Variants in EFHC2 observed in about 807,000 individuals in gnomAD.
The protein encoded by EFHC2 is EF-hand domain-containing family member C2.
Under a neutral mutation model 52.7 loss-of-function variants are expected in EFHC2, and 18 were observed. That is an observed-to-expected ratio of 0.34 (90% CI 0.24 to 0.51). The LOEUF (loss-of-function observed/expected upper bound fraction) is 0.51, where lower values mean the gene tolerates loss of function less well. Ranked by LOEUF, EFHC2 falls within the 20% of genes least tolerant of loss-of-function variation. The pLI is 0.97. For missense variants in EFHC2, 513 were observed against 562.5 expected (o/e 0.91, Z 0.89); for synonymous variants, 203 against 204.1 (o/e 0.99, Z 0.04).
intron 11 of EFHC2, among the ~76,000 whole-genome samples, chrX:44,192,061 AGTGTGTGTGTGTGT>A (rs3037410): frequency 3.1e-5 from 3 of 95,341 alleles, no homozygotes; most frequent in Admixed American, 1.2e-4. Context: ...CACATATGTA[AGTGTGTGTGTGTGT>A]GTGTGTGTGT....
intron 13 of EFHC2, among the ~76,000 whole-genome samples, chrX:44,174,146 A>T (rs1197813627): frequency 8.9e-6 from 1 of 112,015 alleles, no homozygotes; most frequent in Non-Finnish European, 1.9e-5. Flanking sequence ...TGCACCAGGT[A>T]CTGTGCTGGG....
rs192904826 is a variant in EFHC2 at position 44,164,163 on chromosome X, T to G, written c.2043-136A>C. 1,385 of 368,611 alleles carry G rather than the reference T, an allele frequency of 3.8e-3. 14 individuals are homozygous for G. The highest frequency in any genetic ancestry group is 0.033 in the African/African-American group (1,241 of 37,487). The allele number at this position is 368,611 out of a possible 1,213,427, so 30.4% of individuals were successfully genotyped here. On this transcript the variant is annotated intron_variant, in intron 13 of 14. Transcript: ENST00000420999. ...GATAGTTTTCTTATTTCTTACAATT[T>G]CTTATTGCTTCTGACCCTCCAGAAT...
intron 1 of EFHC2, among the ~76,000 whole-genome samples, chrX:44,329,843 C>A (rs1381546883): frequency 9.1e-6 from 1 of 109,478 alleles, no homozygotes; most frequent in African/African-American, 3.3e-5. Context: ...TGGCCTCAAG[C>A]AATCCTCCCA....
Position 44,343,589 on chromosome X carries a change from G to A in EFHC2, c.-1C>T, listed in dbSNP as rs1366425207. 8.4e-7 allele frequency: 1 copy of A among 1,193,754 alleles called. No individual in the cohort carries two copies. Among genetic ancestry groups the A allele is most frequent in the East Asian group, 3.0e-5 (1 of 32,860 alleles). The stretch of plus-strand genomic sequence containing the variant: ...TGCCCGGCAGCAGAGGCAGGGCCAT[G>A]GCGCTCAGTGTCCGAAAATCCAGGG... On this transcript the variant is annotated 5_prime_UTR_variant, in exon 1 of 15. Coordinates refer to ENST00000420999, the MANE Select transcript of EFHC2 (RefSeq NM_025184.4).
chrX:44,340,554 G>T (rs1309905519), intron 1 of EFHC2, among the ~76,000 whole-genome samples: 3 of 111,297 alleles, frequency 2.7e-5, no homozygotes, highest in Non-Finnish European at 5.7e-5. Flanking sequence ...AGCTACTCGG[G>T]AGGCTGAGGC....
chrX:44,258,873 G>A lies in EFHC2; in HGVS notation c.606+2202C>T, dbSNP rs1464681544. Among the ~76,000 whole-genome samples, 6 of 109,721 alleles carry A rather than the reference G, an allele frequency of 5.5e-5. No homozygotes were observed. In the Admixed American group the frequency reaches 5.8e-4, roughly 11 times the overall value. ...TCCATTTAAAAAAAAAAAAAAGAAT[G>A]GCAATCATTAAAAAGTCAGGAAACA... On this transcript the variant is annotated intron_variant, in intron 4 of 14. Coordinates refer to ENST00000420999, the MANE Select transcript of EFHC2 (RefSeq NM_025184.4).
intron 11 of EFHC2, among the ~76,000 whole-genome samples, chrX:44,196,814 G>A (rs949217974): frequency 1.8e-5 from 2 of 112,149 alleles, no homozygotes; most frequent in African/African-American, 6.5e-5. Flanking sequence ...TTCATCTAAC[G>A]CCCCCAGTAA....
chrX:44,276,263 A>G (rs1004493683), intron 2 of EFHC2, among the ~76,000 whole-genome samples: 2 of 110,531 alleles, frequency 1.8e-5, no homozygotes, highest in African/African-American at 6.6e-5. Flanking sequence ...CTCTCCAACA[A>G]TTTTTCTTTA....
At position 44,178,452 on chromosome X, in the gene EFHC2, C is replaced by T. The variant is rs766401298; in HGVS notation, c.1864G>A (p.Ala622Thr). Residue 622 changes from alanine (A) to threonine (T), a missense_variant, in exon 12 of 15, where the codon GCA becomes ACA. Transcript: ENST00000420999. The part of the protein sequence containing the change: ...GTCSDMDFLI[A>T]LAHEKFKKNM... ...TTCTTGAACTTTTCGTGGGCCAGTG[C>T]GATTAAGAAATCCATATCTGAACAT... is the stretch of plus-strand genomic sequence containing the variant. 4.1e-6 allele frequency: 5 copies of T among 1,206,024 alleles called. No homozygotes were observed. The highest frequency in any genetic ancestry group is 2.3e-4 in the Middle Eastern group (1 of 4,345).
At chrX:44,165,306 G>T (rs1451943195) in intron 13 of EFHC2, among the ~76,000 whole-genome samples, 1 of 111,880 alleles carries the variant, frequency 8.9e-6, no homozygotes, top group African/African-American at 3.2e-5. Flanking sequence ...AATAAACAAA[G>T]TGACCAGAAG....
At chrX:44,242,342 T>C (rs986087418) in intron 7 of EFHC2, 53 bp from the exon 8 acceptor site, 2 of 1,121,913 alleles carry the variant, frequency 1.8e-6, no homozygotes, top group Non-Finnish European at 2.4e-6. Flanking sequence ...GCCCTGATTA[T>C]GGCTGTTTTG....
chrX:44,327,081 C>G (rs1402902958), intron 1 of EFHC2, among the ~76,000 whole-genome samples: 1 of 111,169 alleles, frequency 9.0e-6, no homozygotes, highest in Admixed American at 9.7e-5. Context: ...GGTCACTCAA[C>G]TAGTATAAGT....
At chrX:44,318,404 C>T (rs914109574) in intron 1 of EFHC2, among the ~76,000 whole-genome samples, 3 of 112,061 alleles carry the variant, frequency 2.7e-5, no homozygotes, top group East Asian at 2.8e-4. Flanking sequence ...GACTGCTTAC[C>T]GGGTACAGGT....
intron 2 of EFHC2, among the ~76,000 whole-genome samples, chrX:44,311,833 G>C (rs2037949959): frequency 9.2e-6 from 1 of 108,223 alleles, no homozygotes; most frequent in African/African-American, 3.4e-5. Context: ...AGAAGAGAAG[G>C]CATTTTTCTA....
rs1372362056 is a variant in EFHC2, at chrX:44,282,565, G to A, written c.232-9729C>T. Among the ~76,000 whole-genome samples, 9 of 78,805 alleles carry A rather than the reference G, an allele frequency of 1.1e-4. No homozygotes were observed. In the South Asian group the frequency reaches 6.4e-3, roughly 56 times the overall value. 68.4% of individuals were successfully genotyped at this position (78,805 alleles called of 115,157 possible). ...CAGGAGGTGGAGGTTGCAACGAGCC[G>A]AGATCGCACTACTGCAATCCAGCCT... On this transcript the variant is annotated intron_variant, in intron 2 of 14. Transcript: ENST00000420999.
At chrX:44,265,438 A>T (rs779809505) in intron 3 of EFHC2, among the ~76,000 whole-genome samples, 2 of 110,747 alleles carry the variant, frequency 1.8e-5, no homozygotes, top group Non-Finnish European at 3.8e-5. Context: ...CGCCTGGCTA[A>T]CTTTTTATTT....
At chrX:44,185,406 T>A in intron 11 of EFHC2, among the ~76,000 whole-genome samples, 1 of 112,192 alleles carries the variant, frequency 8.9e-6, no homozygotes. Context: ...CTCTATTACA[T>A]ATAAAGATAT....
At chrX:44,258,435 C>CAA (rs1319457162) in intron 4 of EFHC2, among the ~76,000 whole-genome samples, 1 of 63,135 alleles carries the variant, frequency 1.6e-5, no homozygotes, top group African/African-American at 5.8e-5. Flanking sequence ...AACAAATTTA[C>CAA]AAAAAAAAAA....
chrX:44,171,099 A>G (rs1011721210), intron 13 of EFHC2, among the ~76,000 whole-genome samples: 1 of 111,846 alleles, frequency 8.9e-6, no homozygotes, highest in African/African-American at 3.3e-5. Context: ...CATGTTGTGG[A>G]AAAAGGGGGA....
Sources: gnomAD v4.1 joint callset for allele counts (sites outside exome capture counted in the v4.1 genomes callset) on GRCh38, gnomAD v4.1.1 for gene constraint, MANE v1.5 for transcripts, NCBI Gene and HGNC (gene_info 2026-07-23, HGNC 2026-07-21) for gene names.